Variants in TGM1 observed in about 807,000 individuals in gnomAD.
TGM1 encodes the protein protein-glutamine gamma-glutamyltransferase K.
In TGM1, 63 loss-of-function variants were observed where a neutral mutation model predicts 88.7. The ratio of observed to expected loss-of-function variants is 0.71; its 90% CI spans 0.58 to 0.88. TGM1 has a LOEUF of 0.88. Ranked by LOEUF, TGM1 falls within the 40% of genes least tolerant of loss-of-function variation. The pLI, the probability that TGM1 is intolerant of heterozygous loss-of-function variation, is 0.00. For missense variants in TGM1, 996 were observed against 1,118.0 expected (o/e 0.89, Z 1.56); for synonymous variants, 415 against 431.1 (o/e 0.96, Z 0.46).
Position 24,262,345 on chromosome 14 carries a change from T to C in TGM1, c.8A>G (p.Asp3Gly), listed in dbSNP as rs1441749745. Residue 3 changes from aspartate (D) to glycine (G), a missense_variant, in exon 2 of 15, where the codon GAT becomes GGT. Asp to Gly is a moderately conservative substitution (Grantham distance 94). Coordinates refer to ENST00000206765, the MANE Select transcript of TGM1 (RefSeq NM_000359.3). MM[D>G]GPRSDVGRWG... The stretch of plus-strand genomic sequence containing the variant: ...ACGGCCCACATCGGAACGTGGCCCA[T>C]CCATCATGCCTGTTAGGAAGAGGCA... The C allele has an allele frequency of 1.2e-6, 2 of 1,613,406 alleles. No individual in the cohort carries two copies. The highest frequency in any genetic ancestry group is 1.7e-6 in the Non-Finnish European group (2 of 1,180,000).
intron 3 of TGM1, 150 bp downstream of exon 3, chr14:24,261,545 C>T (rs1594573587): frequency 9.9e-7 from 1 of 1,006,442 alleles, no homozygotes; most frequent in East Asian, 2.5e-5. Context: ...AGACACAACC[C>T]CAGGGGCACA....
Position 24,259,423 on chromosome 14 carries a change from C to A in TGM1, c.985-174G>T, listed in dbSNP as rs914790830. Reference sequence around the variant, plus strand: ...AGCCCTTCCCTCAGCCATCTGCCCCCCTCCCACCCGGGCTCTGACACAGGA... The same window carrying A: ...AGCCCTTCCCTCAGCCATCTGCCCCACTCCCACCCGGGCTCTGACACAGGA... On this transcript the variant is annotated intron_variant, in intron 6 of 14. Transcript: ENST00000206765. This position sits in a 1 kb window ranked among gnomAD's most constrained non-coding sequence, Gnocchi z 5.7. Among the ~76,000 whole-genome samples the A allele has an allele frequency of 1.3e-5, 2 of 152,232 alleles. No individual in the cohort carries two copies. The highest frequency in any genetic ancestry group is 2.4e-5 in the African/African-American group (1 of 41,462).
At chr14:24,253,564 AC>A (rs1291349206) in intron 14 of TGM1, among the ~76,000 whole-genome samples, 1 of 152,052 alleles carries the variant, frequency 6.6e-6, no homozygotes, top group African/African-American at 2.4e-5. Flanking sequence ...TTCAGCCTCA[AC>A]CTCTCCAGGC....
In TGM1 at chr14:24,255,509, A is replaced by G. The variant is rs2040743484; in HGVS notation, c.1500T>C (p.Ser500=). ...DTPFIFAEVN[S]DKVYWQRQDD... ...CCTGCCGCTGCCAGTACACCTTGTC[A>G]CTATTCACCTGTGGGGGGTGGGGGT... Residue 500 remains serine (S), a synonymous_variant, in exon 11 of 15, where the codon AGT becomes AGC. Transcript: ENST00000206765. The surrounding 1 kb of genome is among the most constrained non-coding windows in gnomAD (Gnocchi z 4.0). The G allele has an allele frequency of 6.2e-7, 1 of 1,613,174 alleles. No individual in the cohort carries two copies. The highest frequency in any genetic ancestry group is 8.5e-7 in the Non-Finnish European group (1 of 1,180,002).
Position 24,254,307 on chromosome 14 carries a change from C to A in TGM1, c.2089-19G>T. The A allele has an allele frequency of 6.2e-7, 1 of 1,613,944 alleles. No homozygotes were observed. Among genetic ancestry groups the A allele is most frequent in the Non-Finnish European group, 8.5e-7 (1 of 1,179,994 alleles). On this transcript the variant is annotated intron_variant, in intron 13 of 14. Transcript: ENST00000206765. The stretch of plus-strand genomic sequence containing the variant: ...CCAGTAACTGAGAGAAAAAGAGGCC[C>A]ATCCCCCACGTCAGAGACCCTGGCC...
intron 14 of TGM1, 34 bp from the exon 15 acceptor site, chr14:24,249,575 A>G (rs758851343): frequency 6.3e-7 from 1 of 1,592,096 alleles, no homozygotes; most frequent in African/African-American, 1.3e-5. Context: ...GGCCTGGAGT[A>G]ATTGGGGGTG....
intron 14 of TGM1, among the ~76,000 whole-genome samples, chr14:24,252,725 G>A (rs1594565438): frequency 1.3e-5 from 2 of 152,312 alleles, no homozygotes; most frequent in East Asian, 3.9e-4. Flanking sequence ...CTGTGTGTGA[G>A]GGAGGGGTGG....
intron 14 of TGM1, 54 bp from the exon 15 acceptor site, chr14:24,249,595 G>T: frequency 6.7e-7 from 1 of 1,495,020 alleles, no homozygotes; most frequent in Non-Finnish European, 9.2e-7. Flanking sequence ...GGAGTGGGGA[G>T]TAAGAGCTGA....
intron 4 of TGM1, 43 bp downstream of exon 4, chr14:24,260,407 T>C (rs1480509288): frequency 1.2e-6 from 2 of 1,613,348 alleles, no homozygotes; most frequent in Admixed American, 3.3e-5. Flanking sequence ...CTTCCCTGTC[T>C]TTCCCTCCCA....
At chr14:24,254,395 G>A (rs895914598) in intron 13 of TGM1, 107 bp from the exon 14 acceptor site, 29 of 1,526,822 alleles carry the variant, frequency 1.9e-5, no homozygotes, top group East Asian at 9.1e-5. Context: ...AAACCTCCCC[G>A]AGTCCCACAT....
chr14:24,254,027 A>C, intron 14 of TGM1, 125 bp downstream of exon 14: 2 of 1,420,442 alleles, frequency 1.4e-6, no homozygotes, highest in Admixed American at 2.0e-5. Context: ...GCTGGCCCCA[A>C]CCTGCTTGGT....
At chr14:24,250,874 C>T (rs555796743) in intron 14 of TGM1, among the ~76,000 whole-genome samples, 8 of 152,328 alleles carry the variant, frequency 5.3e-5, no homozygotes, top group Middle Eastern at 6.8e-3. Flanking sequence ...CCAAGCCTGC[C>T]GCTGGGGACC....
rs41293824 is a variant in TGM1, at chr14:24,254,544, C to A, written c.2088+120G>T. Reference sequence around the variant, plus strand: ...CTGAGGCCCCAGAGCCGGTCCTTGACCTTCTCCTACAAAGGCTCATCAGGC... The same window carrying A: ...CTGAGGCCCCAGAGCCGGTCCTTGAACTTCTCCTACAAAGGCTCATCAGGC... On this transcript the variant is annotated intron_variant, in intron 13 of 14. Transcript: ENST00000206765. 1.3e-3 allele frequency: 1,905 copies of A among 1,515,608 alleles called. 26 individuals carry two copies. The African/African-American group carries it at 0.021, about 16-fold the overall frequency. 93.9% of individuals were successfully genotyped at this position (1,515,608 alleles called of 1,614,324 possible).
At chr14:24,257,788 T>C (rs571281580) in intron 9 of TGM1, among the ~76,000 whole-genome samples, 9 of 152,294 alleles carry the variant, frequency 5.9e-5, no homozygotes, top group Non-Finnish European at 1.3e-4. Flanking sequence ...ACCTAGAAAT[T>C]TACTTTAAAA....
chr14:24,257,487 ACCTATCTGAGC>A (rs1308423777), intron 9 of TGM1, among the ~76,000 whole-genome samples: 2 of 152,162 alleles, frequency 1.3e-5, no homozygotes, highest in African/African-American at 2.4e-5. Context: ...TCTTCTTTGA[ACCTATCTGAGC>A]CCTGATTTTT....
chr14:24,254,356 C>T, intron 13 of TGM1, 68 bp from the exon 14 acceptor site: 1 of 1,610,766 alleles, frequency 6.2e-7, no homozygotes. Context: ...CCGTACACTG[C>T]ACCAGAGAGG....
intron 14 of TGM1, among the ~76,000 whole-genome samples, chr14:24,253,446 CTG>C (rs368602780): frequency 1.1e-4 from 16 of 150,928 alleles, no homozygotes; most frequent in African/African-American, 2.4e-4. Context: ...GTGTGTGTCT[CTG>C]TGTGTGTGTG....
intron 14 of TGM1, among the ~76,000 whole-genome samples, chr14:24,251,396 C>A (rs1043080989): frequency 5.9e-5 from 9 of 152,142 alleles, no homozygotes; most frequent in African/African-American, 2.2e-4. Context: ...CAGAAAGTAA[C>A]CTTTACATTG....
Position 24,259,838 on chromosome 14 carries a change from T to A in TGM1, c.877-27A>T. Reference sequence around the variant, plus strand: ...TGGAAGGAGGGATGGAGGGCAGAGGTGACAGCCTGAACCCTAGGCCAGCAC... The same window carrying A: ...TGGAAGGAGGGATGGAGGGCAGAGGAGACAGCCTGAACCCTAGGCCAGCAC... On this transcript the variant is annotated intron_variant, in intron 5 of 14. Transcript: ENST00000206765. This position sits in a 1 kb window ranked among gnomAD's most constrained non-coding sequence, Gnocchi z 5.7. 1.2e-6 allele frequency: 2 copies of A among 1,610,930 alleles called. No homozygotes were observed. Among genetic ancestry groups the A allele is most frequent in the Non-Finnish European group, 1.7e-6 (2 of 1,178,382 alleles).
Sources: allele counts gnomAD v4.1 joint callset (sites outside exome capture counted in the v4.1 genomes callset), GRCh38; gene constraint gnomAD v4.1.1; non-coding constraint Gnocchi (gnomAD v3.1); transcripts MANE v1.5; gene names NCBI Gene and HGNC (gene_info 2026-07-23, HGNC 2026-07-21).